ENPP2: variants seen among roughly 807,000 people sequenced by gnomAD.
ENPP2 encodes the protein ectonucleotide pyrophosphatase/phosphodiesterase 2, also known as autotaxin.
Under a neutral mutation model 120.2 loss-of-function variants are expected in ENPP2, and 51 were observed. The observed-to-expected ratio is 0.42, with a 90% CI of 0.34 to 0.54. The LOEUF (loss-of-function observed/expected upper bound fraction) is 0.54, where lower values mean the gene tolerates loss of function less well. Among genes scored for constraint, ENPP2 ranks in the 20% least tolerant of loss-of-function variants. The pLI is 0.04. For synonymous variants in ENPP2, 365 were observed against 366.4 expected (o/e 1.00, Z 0.04); for missense variants, 920 against 1,066.5 (o/e 0.86, Z 1.91).
intron 22 of ENPP2, among the ~76,000 whole-genome samples, chr8:119,567,405 T>C (rs191661758): frequency 6.7e-4 from 102 of 152,304 alleles, no homozygotes; most frequent in Non-Finnish European, 1.2e-3. Flanking sequence ...CAATCATATC[T>C]CTTAATTTCA....
intron 9 of ENPP2, 99 bp from the exon 10 acceptor site, chr8:119,601,561 A>G (rs899778835): frequency 2.6e-6 from 2 of 769,470 alleles, no homozygotes; most frequent in Non-Finnish European, 4.5e-6. Context: ...AATGCTCTCT[A>G]TTTACCACCA....
chr8:119,637,978 T>G (rs771571193), intron 2 of ENPP2, among the ~76,000 whole-genome samples: 1 of 152,240 alleles, frequency 6.6e-6, no homozygotes, highest in Non-Finnish European at 1.5e-5. Flanking sequence ...GTCCTAAATT[T>G]CTGAAGTTTC....
intron 3 of ENPP2, among the ~76,000 whole-genome samples, chr8:119,621,796 G>T (rs972906165): frequency 4.6e-5 from 7 of 152,138 alleles, no homozygotes; most frequent in African/African-American, 9.7e-5. Flanking sequence ...TACGATTCTC[G>T]AATTGTCCTA....
chr8:119,567,190 T>G (rs1306203168), intron 22 of ENPP2, among the ~76,000 whole-genome samples: 1 of 152,184 alleles, frequency 6.6e-6, no homozygotes, highest in Non-Finnish European at 1.5e-5. Context: ...TCACTACAAA[T>G]GTACTGAAAG....
At chr8:119,671,057 C>T (rs865992724) in intron 1 of ENPP2, among the ~76,000 whole-genome samples, 1 of 148,110 alleles carries the variant, frequency 6.8e-6, no homozygotes, top group South Asian at 2.1e-4. Context: ...GAGGCCGAGG[C>T]AGGCAGATCA....
chr8:119,572,039 C>T (rs1815038269), intron 19 of ENPP2: 2 of 640,670 alleles, frequency 3.1e-6, no homozygotes, highest in Admixed American at 5.9e-5. Flanking sequence ...TGGGGACCCA[C>T]CCCTAAGGAT....
chr8:119,642,562 G>A (rs1817314313), upstream of ENPP2, among the ~76,000 whole-genome samples: 4 of 152,144 alleles, frequency 2.6e-5, no homozygotes, highest in Non-Finnish European at 5.9e-5. Context: ...TGCCCTGCAT[G>A]TTGAATTGTT....
chr8:119,586,455 T>A, intron 14 of ENPP2, 142 bp from the exon 15 acceptor site: 1 of 683,862 alleles, frequency 1.5e-6, no homozygotes, highest in Non-Finnish European at 2.5e-6. Flanking sequence ...TTCTATTAAA[T>A]AATGTATGCT....
intron 3 of ENPP2, 83 bp downstream of exon 3, chr8:119,626,482 G>C: frequency 2.8e-6 from 3 of 1,061,862 alleles, no homozygotes; most frequent in South Asian, 1.4e-5. Context: ...ACCAAAGCAG[G>C]GTGGCCACTC....
intron 2 of ENPP2, among the ~76,000 whole-genome samples, chr8:119,630,265 T>C (rs6996637): frequency 0.33 from 50,555 of 151,842 alleles, 10,322 homozygotes; most frequent in African/African-American, 0.57. Context: ...CCCACCACCA[T>C]GTCCAGCAAT....
chr8:119,638,886 T>G, upstream of ENPP2: 1 of 1,431,376 alleles, frequency 7.0e-7, no homozygotes, highest in Non-Finnish European at 9.8e-7. Context: ...CAATCCCACC[T>G]GGGAGGTTGA....
intron 1 of ENPP2, among the ~76,000 whole-genome samples, chr8:119,661,331 A>G (rs1345448037): frequency 6.6e-6 from 1 of 152,188 alleles, no homozygotes; most frequent in Non-Finnish European, 1.5e-5. Flanking sequence ...CTTAAAGTAA[A>G]ATAAAAAATA....
intron 19 of ENPP2, among the ~76,000 whole-genome samples, chr8:119,577,648 T>C (rs935995668): frequency 2.6e-5 from 4 of 152,216 alleles, no homozygotes; most frequent in Non-Finnish European, 5.9e-5. Context: ...TAAATGTTGG[T>C]GCCACTAGGC....
At chr8:119,579,825 C>A (rs1042199642) in intron 19 of ENPP2, among the ~76,000 whole-genome samples, 2 of 152,042 alleles carry the variant, frequency 1.3e-5, no homozygotes, top group African/African-American at 4.8e-5. Context: ...TATAGGAGTG[C>A]CCCACAGTGT....
intron 4 of ENPP2, among the ~76,000 whole-genome samples, chr8:119,619,894 G>A (rs1342889407): frequency 6.6e-6 from 1 of 151,322 alleles, no homozygotes; most frequent in African/African-American, 2.4e-5. Flanking sequence ...AACAGAAAAG[G>A]CCTCAGATAA....
At chr8:119,635,885 A>G (rs942573369) in intron 2 of ENPP2, among the ~76,000 whole-genome samples, 6 of 152,224 alleles carry the variant, frequency 3.9e-5, no homozygotes, top group Admixed American at 2.0e-4. Flanking sequence ...ACCCCAGTCC[A>G]TAGTACAGCA....
At chr8:119,592,653 C>T in intron 12 of ENPP2, among the ~76,000 whole-genome samples, 1 of 151,696 alleles carries the variant, frequency 6.6e-6, no homozygotes, top group East Asian at 1.9e-4. Flanking sequence ...CTGGCTCCAG[C>T]ATGTGAGCAA....
intron 12 of ENPP2, among the ~76,000 whole-genome samples, 194 bp downstream of exon 12, chr8:119,593,558 T>C: frequency 6.6e-6 from 1 of 152,158 alleles, no homozygotes; most frequent in East Asian, 1.9e-4. Context: ...CAGCTTTTGA[T>C]CAAAATGAAC....
Position 119,620,784 on chromosome 8 carries a change from T to C in ENPP2, c.418+610A>G, listed in dbSNP as rs958533613. 5.3e-5 allele frequency among the ~76,000 whole-genome samples: 8 copies of C among 152,344 alleles called. No homozygotes were observed. The East Asian group carries it at 1.5e-3, about 29-fold the overall frequency. On this transcript the variant is annotated intron_variant, in intron 4 of 24. Transcript: ENST00000075322. ...GACAAAGCCAACACTCATGCATATA[T>C]GGCTTTGGGGTATAACAGGAAATGC...
Sources: gnomAD v4.1 joint callset for allele counts (sites outside exome capture counted in the v4.1 genomes callset) on GRCh38, gnomAD v4.1.1 for gene constraint, MANE v1.5 for transcripts, NCBI Gene and HGNC (gene_info 2026-07-23, HGNC 2026-07-21) for gene names.